Variants in MYO7A observed in about 807,000 individuals in gnomAD.
MYO7A encodes unconventional myosin-VIIa.
Under a neutral mutation model 263.8 loss-of-function variants are expected in MYO7A, and 210 were observed. The ratio of observed to expected loss-of-function variants is 0.80; its 90% CI spans 0.71 to 0.89. The LOEUF (loss-of-function observed/expected upper bound fraction) is 0.89, where lower values mean the gene tolerates loss of function less well. Ranked by LOEUF, MYO7A falls within the 40% of genes least tolerant of loss-of-function variation. The pLI, the probability that MYO7A is intolerant of heterozygous loss-of-function variation, is 0.00. For synonymous variants in MYO7A, 1,239 were observed against 1,197.3 expected (o/e 1.03, Z -0.72); for missense variants, 2,820 against 2,968.3 (o/e 0.95, Z 1.16).
rs371029653 is a variant in MYO7A, at chr11:77,179,856, G to A, written c.2489G>A (p.Arg830His). Reference protein sequence around the residue: ...FQARCRAYLVRKAFRHRLWAV... With the variant: ...FQARCRAYLVHKAFRHRLWAV... Reference sequence around the variant, plus strand: ...GCCCGCTGCCGCGCCTATCTGGTGCGCAAGGCCTTCCGCCACCGCCTCTGG... The same window carrying A: ...GCCCGCTGCCGCGCCTATCTGGTGCACAAGGCCTTCCGCCACCGCCTCTGG... The change falls in exon 21 of 49, where the codon CGC becomes CAC. Residue 830 changes from arginine (R) to histidine (H), a missense_variant. By Grantham distance (29) the Arg-to-His change is conservative. Transcript: ENST00000409709. 133 of 1,541,754 alleles carry A rather than the reference G, an allele frequency of 8.6e-5. No individual in the cohort carries two copies. The Middle Eastern group carries it at 1.7e-3, about 19-fold the overall frequency.
At chr11:77,156,219 C>T in intron 5 of MYO7A, 128 bp downstream of exon 5, 1 of 979,322 alleles carries the variant, frequency 1.0e-6, no homozygotes. Context: ...AGGAACCAGA[C>T]CTATGTACTC....
At chr11:77,193,129 CGATGCTGTTGGTGATCGTGG>C in intron 31 of MYO7A, among the ~76,000 whole-genome samples, 1 of 43,374 alleles carries the variant, frequency 2.3e-5, no homozygotes, top group African/African-American at 1.4e-4. Flanking sequence ...GTGGAGGTAG[CGATGCTGTTGGTGATCGTGG>C]AGGTAGCGAT....
At position 77,174,915 on chromosome 11, in the gene MYO7A, G is replaced by A. The variant is rs111033404; in HGVS notation, c.2094+1G>A. On this transcript the variant is annotated splice_donor_variant, in intron 17 of 48. Transcript: ENST00000409709. LOFTEE classifies it high-confidence loss of function. ...AGGTGTGAAGCCGGCCTACAAGCAG[G>A]TACAGGGCTGAGTGCACAGAGGGCA... 6 of 1,613,250 alleles carry A rather than the reference G, an allele frequency of 3.7e-6. No homozygotes were observed. Among genetic ancestry groups the A allele is most frequent in the South Asian group, 1.1e-5 (1 of 91,074 alleles).
In MYO7A at chr11:77,147,936, G is replaced by C. The variant is rs939731190; in HGVS notation, c.271G>C (p.Asp91His). ...ILRNLLIRYR[D>H]HLIYTYTGSI... ...GCGCAACCTGCTTATCCGCTACCGGGACCACCTCATCTACGTGAGTGCCGC... is the reference window on the plus strand; with the variant it reads ...GCGCAACCTGCTTATCCGCTACCGGCACCACCTCATCTACGTGAGTGCCGC... Residue 91 changes from aspartate (D) to histidine (H), a missense_variant, in exon 4 of 49, where the codon GAC becomes CAC. By Grantham distance (81) the Asp-to-His change is moderately conservative. Coordinates refer to ENST00000409709, the MANE Select transcript of MYO7A (RefSeq NM_000260.4). 3 of 1,554,394 alleles carry C rather than the reference G, an allele frequency of 1.9e-6. No individual in the cohort carries two copies. Among genetic ancestry groups the C allele is most frequent in the Non-Finnish European group, 1.7e-6 (2 of 1,149,888 alleles).
chr11:77,194,755 GC>G (rs1431466211), intron 32 of MYO7A, among the ~76,000 whole-genome samples: 1 of 152,192 alleles, frequency 6.6e-6, no homozygotes, highest in Non-Finnish European at 1.5e-5. Flanking sequence ...GGGTATTGGG[GC>G]CCCTTTCCTG....
chr11:77,142,487 G>A (rs1591198782), intron 2 of MYO7A: 1 of 613,664 alleles, frequency 1.6e-6, no homozygotes, highest in South Asian at 1.5e-5. Context: ...CATAAAATGG[G>A]AATATGGCTG....
chr11:77,211,424 C>T lies in MYO7A; in HGVS notation c.6237+87C>T, dbSNP rs76165756. 17 of 1,386,066 alleles carry T rather than the reference C, an allele frequency of 1.2e-5. No individual in the cohort carries two copies. The South Asian group carries it at 2.2e-4, about 18-fold the overall frequency. The allele number at this position is 1,386,066 out of a possible 1,614,324, so 85.9% of individuals were successfully genotyped here. A position where few individuals can be genotyped will look rare whatever the true frequency, so the allele number is the denominator to read the frequency against. On this transcript the variant is annotated intron_variant, in intron 45 of 48. Coordinates refer to ENST00000409709, the MANE Select transcript of MYO7A (RefSeq NM_000260.4). The stretch of plus-strand genomic sequence containing the variant: ...GGCCAAGGGGGCAGACACTGGCCAG[C>T]AGCCCAGGGAGGTGCATCTTGTGGT...
intron 18 of MYO7A, 125 bp from the exon 19 acceptor site, chr11:77,177,424 C>A: frequency 1.3e-6 from 1 of 747,742 alleles, no homozygotes; most frequent in Non-Finnish European, 2.2e-6. Flanking sequence ...CAGCTGGGAG[C>A]TCATGGGGCC....
Position 77,182,060 on chromosome 11 carries a change from C to CG in MYO7A, c.3016dup (p.Ala1006GlyfsTer25). The CG allele has an allele frequency of 6.2e-7, 1 of 1,613,378 alleles. No homozygotes were observed. Among genetic ancestry groups the CG allele is most frequent in the Non-Finnish European group, 8.5e-7 (1 of 1,179,738 alleles). On this transcript the variant is annotated frameshift_variant, in exon 24 of 49. Transcript: ENST00000409709. LOFTEE classifies it high-confidence loss of function. ...TCTGAGTATAAATTTGCCAAGTTCG[C>CG]GGCCACCTACTTCCAGGGGACAACC... is the stretch of plus-strand genomic sequence containing the variant.
In MYO7A at chr11:77,184,665, G is replaced by A. The variant is rs782723298; in HGVS notation, c.3453G>A (p.Leu1151=). The change falls in exon 27 of 49, where the codon CTG becomes CTA. Residue 1151 remains leucine (L), a synonymous_variant. Transcript: ENST00000409709. ...TGGAGGACCGGCCCACCTCCAACCT[G>A]GAGAAGCTGCACTTCATCATCGGCA... is the stretch of plus-strand genomic sequence containing the variant. ...SMLEDRPTSN[L]EKLHFIIGNG... The A allele has an allele frequency of 1.3e-6, 2 of 1,595,488 alleles. No individual in the cohort carries two copies. The highest frequency in any genetic ancestry group is 3.5e-5 in the Admixed American group (2 of 57,294).
Position 77,162,869 on chromosome 11 carries a change from T to G in MYO7A, c.1571T>G (p.Met524Arg). ...SKFPKGTDTT[M>R]LHKLNSQHKL... ...ACTCCCCAGGGCACAGACACCACCA[T>G]GTTACACAAGCTGAACTCCCAGCAC... The change falls in exon 14 of 49, where the codon ATG becomes AGG. Residue 524 changes from methionine (M) to arginine (R), a missense_variant. By Grantham distance (91) the Met-to-Arg change is moderately conservative. Coordinates refer to ENST00000409709, the MANE Select transcript of MYO7A (RefSeq NM_000260.4). 2 of 1,613,632 alleles carry G rather than the reference T, an allele frequency of 1.2e-6. No individual in the cohort carries two copies. Among genetic ancestry groups the G allele is most frequent in the Non-Finnish European group, 1.7e-6 (2 of 1,179,788 alleles).
At chr11:77,190,634 G>A (rs1955990434) in intron 29 of MYO7A, 63 bp from the exon 30 acceptor site, 8 of 1,519,812 alleles carry the variant, frequency 5.3e-6, no homozygotes, top group Non-Finnish European at 6.2e-6. Flanking sequence ...GAGAGCCAAA[G>A]TCCAGAGGGG....
At chr11:77,207,173 A>T in intron 41 of MYO7A, 116 bp from the exon 42 acceptor site, 1 of 659,506 alleles carries the variant, frequency 1.5e-6, no homozygotes, top group Non-Finnish European at 2.6e-6. Context: ...CTGTGCCCAC[A>T]GGAGGGTGTC....
Position 77,214,759 on chromosome 11 carries a change from C to T in MYO7A, c.*63C>T. The T allele has an allele frequency of 3.8e-6, 5 of 1,326,922 alleles. No homozygotes were observed. The highest frequency in any genetic ancestry group is 5.3e-6 in the Non-Finnish European group (5 of 949,124). 82.2% of individuals were successfully genotyped at this position (1,326,922 alleles called of 1,614,324 possible). ...GAGGCAGCAGTGGGTTCAGGCCCAT[C>T]AGCTACCCCTGCAGCTGGGGAAGAC... is the stretch of plus-strand genomic sequence containing the variant. On this transcript the variant is annotated 3_prime_UTR_variant, in exon 49 of 49. Coordinates refer to ENST00000409709, the MANE Select transcript of MYO7A (RefSeq NM_000260.4).
At chr11:77,164,264 T>C (rs1411467913) in intron 14 of MYO7A, among the ~76,000 whole-genome samples, 1 of 125,424 alleles carries the variant, frequency 8.0e-6, no homozygotes, top group Non-Finnish European at 1.7e-5. Context: ...CCCACCCTGG[T>C]GTAAAGGGCC....
In MYO7A at chr11:77,144,759, G is replaced by T. The variant is rs572843707; in HGVS notation, c.132+1937G>T. On this transcript the variant is annotated intron_variant, in intron 3 of 48. Transcript: ENST00000409709. ...CAGGGAAGGCTCTTGGCAAAGACTC[G>T]CTGAGTGATGAATGAAAGGTTATGG... 3.9e-5 allele frequency among the ~76,000 whole-genome samples: 6 copies of T among 152,292 alleles called. No homozygotes were observed. In the East Asian group the frequency reaches 1.2e-3, roughly 29 times the overall value.
intron 47 of MYO7A, among the ~76,000 whole-genome samples, 188 bp downstream of exon 47, chr11:77,213,223 C>T (rs1217801032): frequency 6.6e-6 from 1 of 152,236 alleles, no homozygotes. Flanking sequence ...CAAAATTGCT[C>T]TCCTGAAGTT....
At position 77,213,857 on chromosome 11, in the gene MYO7A, C is replaced by G; in HGVS notation, c.6439-3C>G. ...CCTCTCTATGCCCTTTCTGCTCCCCCAGGATATCCTCACCACTCATCCCTT... is the reference window on the plus strand; with the variant it reads ...CCTCTCTATGCCCTTTCTGCTCCCCGAGGATATCCTCACCACTCATCCCTT... On this transcript the variant is annotated splice_region_variant and splice_polypyrimidine_tract_variant and intron_variant, in intron 47 of 48. Coordinates refer to ENST00000409709, the MANE Select transcript of MYO7A (RefSeq NM_000260.4). The G allele has an allele frequency of 6.2e-7, 1 of 1,614,044 alleles. No individual in the cohort carries two copies. The highest frequency in any genetic ancestry group is 8.5e-7 in the Non-Finnish European group (1 of 1,179,908).
At chr11:77,162,365 G>C in intron 13 of MYO7A, 35 bp downstream of exon 13, 1 of 1,539,916 alleles carries the variant, frequency 6.5e-7, no homozygotes, top group East Asian at 2.4e-5. Context: ...CCAGGGTCTT[G>C]GGTGCGCACA....
Sources: gnomAD v4.1 joint callset for allele counts (sites outside exome capture counted in the v4.1 genomes callset) on GRCh38, gnomAD v4.1.1 for gene constraint, MANE v1.5 for transcripts, NCBI Gene and HGNC (gene_info 2026-07-23, HGNC 2026-07-21) for gene names.